Variants in NRG1 observed in about 807,000 individuals in gnomAD.
The protein encoded by NRG1 is neuregulin 1.
In NRG1, 18 loss-of-function variants were observed where a neutral mutation model predicts 63.8. That is an observed-to-expected ratio of 0.28 (90% CI 0.19 to 0.42). The LOEUF (loss-of-function observed/expected upper bound fraction) is 0.42, where lower values mean the gene tolerates loss of function less well. NRG1 is among the 10% of genes least tolerant of loss of function. The pLI, the probability that NRG1 is intolerant of heterozygous loss-of-function variation, is 1.00. For missense variants in NRG1, 762 were observed against 814.7 expected, an observed-to-expected ratio of 0.94 and a Z score of 0.79; for synonymous variants, 302 against 301.3, an observed-to-expected ratio of 1.00 and a Z score of -0.02.
At position 32,191,014 on chromosome 8, in the gene NRG1, C is replaced by T. The variant is rs547239220; in HGVS notation, c.38-404814C>T. 2.0e-5 allele frequency among the ~76,000 whole-genome samples: 3 copies of T among 152,252 alleles called. No homozygotes were observed. The South Asian group carries it at 6.2e-4, about 32-fold the overall frequency. Reference sequence around the variant, plus strand: ...TTTGCTCCAGTTGGAGACAATACTTCTGTCTTCCCATAGATGTTCACTGTG... The same window carrying T: ...TTTGCTCCAGTTGGAGACAATACTTTTGTCTTCCCATAGATGTTCACTGTG... On this transcript the variant is annotated intron_variant, in intron 1 of 10. Coordinates refer to the NRG1 transcript ENST00000519301.
intron 5 of NRG1, among the ~76,000 whole-genome samples, chr8:32,669,120 G>A (rs1440104084): frequency 6.6e-6 from 1 of 152,172 alleles, no homozygotes; most frequent in Non-Finnish European, 1.5e-5. Flanking sequence ...CCATTATGCT[G>A]CTTATTTTAC....
At chr8:32,509,075 C>CTATTT (rs72050072) in intron 1 of NRG1, among the ~76,000 whole-genome samples, 19 of 149,678 alleles carry the variant, frequency 1.3e-4, no homozygotes, top group African/African-American at 2.7e-4. Flanking sequence ...TTTTCTTTTC[C>CTATTT]TATTTTATTT....
chr8:32,708,874 AC>A (rs1348313693), intron 5 of NRG1, among the ~76,000 whole-genome samples: 1 of 152,202 alleles, frequency 6.6e-6, no homozygotes, highest in Non-Finnish European at 1.5e-5. Flanking sequence ...AGAAGTCATT[AC>A]CCCGGGACAG....
At chr8:32,231,727 C>T (rs1353146985) in intron 1 of NRG1, among the ~76,000 whole-genome samples, 2 of 151,776 alleles carry the variant, frequency 1.3e-5, no homozygotes, top group Admixed American at 1.3e-4. Flanking sequence ...ATGGTAAACT[C>T]CTTCTCTACT....
chr8:32,223,503 C>G (rs1846030105), intron 1 of NRG1, among the ~76,000 whole-genome samples: 1 of 152,050 alleles, frequency 6.6e-6, no homozygotes, highest in African/African-American at 2.4e-5. Flanking sequence ...CCTTGGTTTC[C>G]TTCTTTGGTT....
At chr8:32,656,518 C>T (rs144631561) in intron 5 of NRG1, among the ~76,000 whole-genome samples, 1,836 of 152,150 alleles carry the variant, frequency 0.012, 16 homozygotes, top group Middle Eastern at 0.027. Context: ...TATGGTTTTT[C>T]TAACAGACAG....
chr8:32,393,728 A>C (rs149905901), intron 1 of NRG1, among the ~76,000 whole-genome samples: 1 of 151,702 alleles, frequency 6.6e-6, no homozygotes, highest in Non-Finnish European at 1.5e-5. Context: ...ACTGGGGCCT[A>C]TTGAGGGTGG....
chr8:32,089,690 A>G lies in NRG1; in HGVS notation c.37+450259A>G, dbSNP rs372649655. ...AAGGAAGATTGAGTTTAAGAGTATC[A>G]GCAGCAAAGTGACAGAAACGCTCAT... On this transcript the variant is annotated intron_variant, in intron 1 of 10. Coordinates refer to the NRG1 transcript ENST00000519301. Among the ~76,000 whole-genome samples the G allele has an allele frequency of 2.8e-3, 428 of 152,326 alleles. 1 individual carries two copies. Among genetic ancestry groups the G allele is most frequent in the African/African-American group, 7.5e-3 (311 of 41,584 alleles).
chr8:31,706,949 T>TA (rs1464204780), intron 1 of NRG1, among the ~76,000 whole-genome samples: 1 of 152,082 alleles, frequency 6.6e-6, no homozygotes, highest in Non-Finnish European at 1.5e-5. Context: ...TGATATAAAG[T>TA]AAAAAATGTT....
exon 1 of NRG1, chr8:32,548,274 C>A: frequency 2.0e-6 from 2 of 986,742 alleles, no homozygotes; most frequent in African/African-American, 1.7e-5. Context: ...TGGGTGGCTG[C>A]GGGGCAATTG....
intron 1 of NRG1, among the ~76,000 whole-genome samples, chr8:32,040,862 T>C (rs1158045501): frequency 6.8e-6 from 1 of 147,954 alleles, no homozygotes; most frequent in Non-Finnish European, 1.5e-5. Flanking sequence ...AAAATTCTTC[T>C]GAGCCTTCAG....
chr8:31,680,969 T>A (rs927858596), intron 1 of NRG1, among the ~76,000 whole-genome samples: 1 of 151,998 alleles, frequency 6.6e-6, no homozygotes, highest in African/African-American at 2.4e-5. Flanking sequence ...AGTATAGTAT[T>A]GAGTAGAAAA....
intron 1 of NRG1, among the ~76,000 whole-genome samples, chr8:32,015,854 G>T (rs497355): frequency 0.76 from 113,569 of 148,780 alleles, 43,861 homozygotes; most frequent in African/African-American, 0.88. Flanking sequence ...TCTCTTGTTT[G>T]TTTTTTTTTT....
At chr8:32,749,760 A>T in intron 7 of NRG1, 1 of 662,172 alleles carries the variant, frequency 1.5e-6, no homozygotes, top group Non-Finnish European at 2.6e-6. Context: ...GTTTACTGAA[A>T]TGTTACTGAG....
At chr8:32,451,042 G>A (rs975743870) in intron 1 of NRG1, among the ~76,000 whole-genome samples, 1 of 152,120 alleles carries the variant, frequency 6.6e-6, no homozygotes, top group Non-Finnish European at 1.5e-5. Context: ...GGAAGGAATT[G>A]CAGATATACA....
chr8:32,283,178 T>A (rs968730937), intron 1 of NRG1, among the ~76,000 whole-genome samples: 1 of 152,230 alleles, frequency 6.6e-6, no homozygotes, highest in African/African-American at 2.4e-5. Context: ...GTTAATATAG[T>A]AAAATATCAT....
intron 1 of NRG1, among the ~76,000 whole-genome samples, chr8:32,465,688 A>C (rs1456482281): frequency 6.6e-6 from 1 of 152,222 alleles, no homozygotes; most frequent in African/African-American, 2.4e-5. Flanking sequence ...TTGCTCTAAG[A>C]ATATTATCTT....
chr8:32,650,261 A>G (rs987222494), intron 5 of NRG1, among the ~76,000 whole-genome samples: 8 of 152,116 alleles, frequency 5.3e-5, no homozygotes, highest in Non-Finnish European at 1.0e-4. Context: ...GGCATCTGCA[A>G]TAAATGGGAA....
At chr8:32,484,097 C>T (rs1370501209) in intron 1 of NRG1, among the ~76,000 whole-genome samples, 5 of 113,388 alleles carry the variant, frequency 4.4e-5, no homozygotes, top group Non-Finnish European at 7.4e-5. Flanking sequence ...AGCAAGACTC[C>T]GTATCAAAAA....
Sources: gnomAD v4.1 joint callset for allele counts (sites outside exome capture counted in the v4.1 genomes callset) on GRCh38, gnomAD v4.1.1 for gene constraint, MANE v1.5 for transcripts, NCBI Gene and HGNC (gene_info 2026-07-23, HGNC 2026-07-21) for gene names.